Variants in WAPL observed in about 807,000 individuals in gnomAD.
The protein encoded by WAPL is wings apart-like protein homolog.
A neutral mutation model predicts 121.0 loss-of-function variants in WAPL; 5 were observed. That is an observed-to-expected ratio of 0.04 (90% CI 0.02 to 0.09). The LOEUF (loss-of-function observed/expected upper bound fraction) is 0.09, where lower values mean the gene tolerates loss of function less well. Ranked by LOEUF, WAPL falls within the 10% of genes least tolerant of loss-of-function variation. The pLI is 1.00. For synonymous variants in WAPL, 480 were observed against 481.5 expected (o/e 1.00, Z 0.04); for missense variants, 999 against 1,410.8 (o/e 0.71, Z 4.68).
chr10:86,440,841 G>T (rs1027546632), intron 17 of WAPL, among the ~76,000 whole-genome samples: 1 of 137,746 alleles, frequency 7.3e-6, no homozygotes, highest in Admixed American at 7.6e-5. Context: ...AGATGGACAA[G>T]ATGGATTCAG....
intron 12 of WAPL, among the ~76,000 whole-genome samples, chr10:86,454,840 C>T (rs564309847): frequency 3.8e-4 from 57 of 151,262 alleles, no homozygotes; most frequent in Non-Finnish European, 5.9e-4. Flanking sequence ...CACCTCTGCC[C>T]GGCCGCGACC....
intron 15 of WAPL, among the ~76,000 whole-genome samples, chr10:86,449,547 T>C (rs946011314): frequency 1.3e-5 from 2 of 152,216 alleles, no homozygotes; most frequent in Non-Finnish European, 2.9e-5. Flanking sequence ...GGAAGTGATA[T>C]TCCCAGGTCA....
chr10:86,500,284 T>C lies in WAPL; in HGVS notation c.959A>G (p.Gln320Arg), dbSNP rs774665560. Residue 320 changes from glutamine (Q) to arginine (R), a missense_variant, in exon 3 of 19, where the codon CAG becomes CGG. By Grantham distance (43) the Gln-to-Arg change is conservative (BLOSUM62 1). Around this residue, in one of 7 missense-constraint regions of WAPL, gnomAD observed 531 missense variants for 563.1 expected, o/e 0.94. Coordinates refer to ENST00000298767, the MANE Select transcript of WAPL (RefSeq NM_015045.5). ...TTCACTGTTTGCTTTGGCTAAGGCC[T>C]GACTGGTGCCGTCCATCAGCTTATC... The part of the protein sequence containing the change: ...NFDKLMDGTS[Q>R]ALAKANSESS... 6.2e-7 allele frequency: 1 copy of C among 1,614,250 alleles called. No homozygotes were observed. Among genetic ancestry groups the C allele is most frequent in the Non-Finnish European group, 8.5e-7 (1 of 1,180,052 alleles).
intron 4 of WAPL, among the ~76,000 whole-genome samples, chr10:86,475,257 C>T (rs1443131757): frequency 6.6e-6 from 1 of 152,168 alleles, no homozygotes; most frequent in East Asian, 1.9e-4. Flanking sequence ...AACACCTCAT[C>T]CTCTCTATCC....
chr10:86,456,527 T>C (rs1388788053), intron 12 of WAPL, among the ~76,000 whole-genome samples: 3 of 152,184 alleles, frequency 2.0e-5, no homozygotes, highest in Non-Finnish European at 2.9e-5. Context: ...TTAAGTTTAA[T>C]ACAAATCAAG....
chr10:86,473,307 A>G (rs12773327), intron 5 of WAPL, among the ~76,000 whole-genome samples: 2,896 of 152,290 alleles, frequency 0.019, 73 homozygotes, highest in African/African-American at 0.052. Flanking sequence ...TTCTATCCCC[A>G]AATTTCTTAT....
At chr10:86,469,488 AG>A (rs1841484540) in intron 8 of WAPL, among the ~76,000 whole-genome samples, 1 of 151,804 alleles carries the variant, frequency 6.6e-6, no homozygotes, top group Admixed American at 6.6e-5. Context: ...TCCTAAACTC[AG>A]GCAATCTGCC....
intron 18 of WAPL, 144 bp downstream of exon 18, chr10:86,437,776 T>C (rs1849361140): frequency 2.1e-6 from 2 of 946,398 alleles, no homozygotes; most frequent in Non-Finnish European, 3.1e-6. Context: ...CATGCAATGA[T>C]TACCTTGAAG....
chr10:86,469,168 T>C (rs890228749), intron 8 of WAPL, among the ~76,000 whole-genome samples: 3 of 150,702 alleles, frequency 2.0e-5, no homozygotes, highest in South Asian at 2.1e-4. Context: ...GAGCCTGTAG[T>C]CCCAGTTACT....
Position 86,500,739 on chromosome 10 carries a change from T to C in WAPL, c.504A>G (p.Lys168=), listed in dbSNP as rs530126630. The C allele has an allele frequency of 6.4e-7, 1 of 1,552,628 alleles. No homozygotes were observed. The highest frequency in any genetic ancestry group is 1.3e-5 in the South Asian group (1 of 79,860). ...SSCNKLITSD[K]VENFHEEHEK... is the part of the protein sequence containing the mutation. ...CATGTTCTTCATGAAAATTCTCCACTTTATCTGTAAAAATAAGTCAAAGGA... is the reference window on the plus strand; with the variant it reads ...CATGTTCTTCATGAAAATTCTCCACCTTATCTGTAAAAATAAGTCAAAGGA... The change falls in exon 3 of 19, where the codon AAA becomes AAG. Residue 168 remains lysine, a synonymous_variant. Coordinates refer to ENST00000298767, the MANE Select transcript of WAPL (RefSeq NM_015045.5).
chr10:86,521,648 C>A lies in WAPL; in HGVS notation c.-306G>T, dbSNP rs556916591. 149 of 461,914 alleles carry A rather than the reference C, an allele frequency of 3.2e-4. 1 individual carries two copies. The highest frequency in any genetic ancestry group is 2.9e-3 in the African/African-American group (142 of 48,372). 28.6% of individuals were successfully genotyped at this position (461,914 alleles called of 1,614,324 possible). On this transcript the variant is annotated 5_prime_UTR_variant, in exon 1 of 19. Transcript: ENST00000298767. ...TGGTAACAGAGCCTGCTGTGTGCCC[C>A]CGCTGGGCCGCCGCCGCCTCCTGCG...
At position 86,459,077 on chromosome 10, in the gene WAPL, G is replaced by A; in HGVS notation, c.2581-12C>T. ...TTATGCACAGTTACCTAAAAAGGAA[G>A]AATATGAAATAATTGTGGCAATCCA... On this transcript the variant is annotated splice_polypyrimidine_tract_variant and intron_variant, in intron 11 of 18. Transcript: ENST00000298767. 1 of 1,596,598 alleles carries A rather than the reference G, an allele frequency of 6.3e-7. No individual in the cohort carries two copies. Among genetic ancestry groups the A allele is most frequent in the Non-Finnish European group, 8.5e-7 (1 of 1,171,684 alleles).
intron 4 of WAPL, among the ~76,000 whole-genome samples, chr10:86,475,259 T>C (rs565089312): frequency 6.6e-6 from 1 of 152,344 alleles, no homozygotes; most frequent in Non-Finnish European, 1.5e-5. Context: ...CACCTCATCC[T>C]CTCTATCCTC....
At chr10:86,441,294 A>G (rs1244220074) in intron 17 of WAPL, among the ~76,000 whole-genome samples, 1 of 152,206 alleles carries the variant, frequency 6.6e-6, no homozygotes, top group Non-Finnish European at 1.5e-5. Flanking sequence ...TTCCCAAGGC[A>G]GCAGACTATC....
chr10:86,479,116 CA>C (rs113394508), intron 4 of WAPL, among the ~76,000 whole-genome samples: 73 of 147,958 alleles, frequency 4.9e-4, no homozygotes, highest in South Asian at 2.5e-3. Context: ...CAAAAACAAA[CA>C]AAAAAAACAA....
chr10:86,458,710 C>T (rs1404968122), intron 12 of WAPL, among the ~76,000 whole-genome samples: 1 of 138,304 alleles, frequency 7.2e-6, no homozygotes, highest in Non-Finnish European at 1.6e-5. Context: ...AATAAAAATC[C>T]TAGGTGGGTT....
intron 4 of WAPL, among the ~76,000 whole-genome samples, chr10:86,477,159 T>C (rs1314470329): frequency 1.3e-5 from 2 of 152,210 alleles, no homozygotes; most frequent in African/African-American, 2.4e-5. Flanking sequence ...AAGTAATATC[T>C]GTATATGGCT....
At chr10:86,515,845 G>C (rs1488652761) in intron 2 of WAPL, among the ~76,000 whole-genome samples, 1 of 134,750 alleles carries the variant, frequency 7.4e-6, no homozygotes, top group African/African-American at 2.7e-5. Context: ...CCTGGAAACA[G>C]TTTTTATGCT....
chr10:86,518,633 A>C (rs1231145445), intron 1 of WAPL, among the ~76,000 whole-genome samples: 2 of 152,214 alleles, frequency 1.3e-5, no homozygotes, highest in African/African-American at 4.8e-5. Flanking sequence ...GCTTGAACTC[A>C]GGAGATGGAG....
Sources: gnomAD v4.1 joint callset for allele counts (sites outside exome capture counted in the v4.1 genomes callset) on GRCh38, gnomAD v4.1.1 for gene constraint, gnomAD v4.1.1 regional missense constraint, MANE v1.5 for transcripts, NCBI Gene and HGNC (gene_info 2026-07-23, HGNC 2026-07-21) for gene names.